Variants in AGPAT3 observed in about 807,000 individuals in gnomAD.
AGPAT3 encodes the protein 1-acylglycerol-3-phosphate O-acyltransferase 3.
Under a neutral mutation model 47.3 loss-of-function variants are expected in AGPAT3, and 5 were observed. That is an observed-to-expected ratio of 0.11 (90% CI 0.06 to 0.22). The LOEUF is 0.22. AGPAT3 is among the 10% of genes least tolerant of loss of function. The probability of loss-of-function intolerance (pLI) is 1.00; values close to 1 mark genes in which losing one functional copy is unlikely to be tolerated. For synonymous variants in AGPAT3, 212 were observed against 208.3 expected, an observed-to-expected ratio of 1.02 and a Z score of -0.15; for missense variants, 315 against 493.0, an observed-to-expected ratio of 0.64 and a Z score of 3.42.
chr21:43,873,147 C>A (rs1010701383), intron 1 of AGPAT3, among the ~76,000 whole-genome samples: 1 of 152,146 alleles, frequency 6.6e-6, no homozygotes, highest in Non-Finnish European at 1.5e-5. Context: ...GTGTGCTTCC[C>A]GGGGGACATG....
chr21:43,973,922 A>C (rs2089498075), intron 7 of AGPAT3, among the ~76,000 whole-genome samples: 1 of 152,266 alleles, frequency 6.6e-6, no homozygotes, highest in African/African-American at 2.4e-5. Context: ...GCAGATGCTC[A>C]GGGTGACACC....
chr21:43,977,127 G>A (rs923323697), intron 7 of AGPAT3, among the ~76,000 whole-genome samples: 1 of 152,172 alleles, frequency 6.6e-6, no homozygotes, highest in Non-Finnish European at 1.5e-5. Context: ...TTACCAAGTA[G>A]AGGTGTCAAC....
At chr21:43,892,353 C>T (rs1237889616) in intron 1 of AGPAT3, among the ~76,000 whole-genome samples, 1 of 152,098 alleles carries the variant, frequency 6.6e-6, no homozygotes, top group Non-Finnish European at 1.5e-5. Context: ...GATCCATGGG[C>T]TGCAGAGTGG....
At chr21:43,980,808 A>G (rs764797545) in intron 8 of AGPAT3, among the ~76,000 whole-genome samples, 181 bp from the exon 9 acceptor site, 1 of 152,198 alleles carries the variant, frequency 6.6e-6, no homozygotes, top group Non-Finnish European at 1.5e-5. Flanking sequence ...ACGCTATCAG[A>G]TTCTCCAAAA....
chr21:43,923,770 C>A (rs1601318931), intron 2 of AGPAT3, among the ~76,000 whole-genome samples: 4 of 152,176 alleles, frequency 2.6e-5, no homozygotes, highest in Admixed American at 6.5e-5. Flanking sequence ...TCCTGGGTAC[C>A]AGGGCTTCTG....
In AGPAT3 at chr21:43,983,670, C is replaced by T. The variant is rs530879644; in HGVS notation, c.*1278C>T. ...GGGATGCTTCTCCCTACAGCATGTCCACTCCCCCGGCATGGCCAGGTGGGG... is the reference window on the plus strand; with the variant it reads ...GGGATGCTTCTCCCTACAGCATGTCTACTCCCCCGGCATGGCCAGGTGGGG... On this transcript the variant is annotated 3_prime_UTR_variant, in exon 10 of 10. Transcript: ENST00000291572. 1 of 152,350 alleles carries T rather than the reference C, an allele frequency of 6.6e-6. No homozygotes were observed. The highest frequency in any genetic ancestry group is 2.1e-4 in the South Asian group (1 of 4,834). 9.4% of individuals were successfully genotyped at this position (152,350 alleles called of 1,614,324 possible). A position where few individuals can be genotyped will look rare whatever the true frequency, so the allele number is the denominator to read the frequency against.
rs761576085 is a variant in AGPAT3, at chr21:43,939,462, G to A, written c.-48-20172G>A. 2.2e-4 allele frequency among the ~76,000 whole-genome samples: 33 copies of A among 152,180 alleles called. No individual in the cohort carries two copies. The highest frequency in any genetic ancestry group is 2.1e-4 in the South Asian group (1 of 4,824). ...GTTTCAGGCTGGAGTGACATGGAGG[G>A]ACGTGCCTGACTTCTGGAGGATAAG... On this transcript the variant is annotated intron_variant, in intron 2 of 9. Coordinates refer to ENST00000291572, the MANE Select transcript of AGPAT3 (RefSeq NM_020132.5). This position sits in a 1 kb window ranked among gnomAD's most constrained non-coding sequence, Gnocchi z 4.4.
At chr21:43,884,222 C>T (rs1261459814) in intron 1 of AGPAT3, among the ~76,000 whole-genome samples, 2 of 151,900 alleles carry the variant, frequency 1.3e-5, no homozygotes, top group East Asian at 3.9e-4. Context: ...TTGATCTCTT[C>T]CTCCTCTCCT....
intron 1 of AGPAT3, among the ~76,000 whole-genome samples, chr21:43,883,063 C>T (rs374314302): frequency 7.2e-5 from 11 of 152,370 alleles, no homozygotes; most frequent in African/African-American, 1.9e-4. Context: ...GAAACTTAAG[C>T]GGGCAAATGC....
chr21:43,891,494 G>A (rs1487751946), intron 1 of AGPAT3, among the ~76,000 whole-genome samples: 1 of 152,180 alleles, frequency 6.6e-6, no homozygotes. Context: ...TTAGCTGGGT[G>A]TGGTGGCAGG....
intron 2 of AGPAT3, among the ~76,000 whole-genome samples, chr21:43,956,526 GC>G (rs1360201106): frequency 6.6e-6 from 1 of 152,180 alleles, no homozygotes; most frequent in East Asian, 1.9e-4. Context: ...TGTTTTTGTT[GC>G]CCCCTTGTCT....
At chr21:43,953,894 G>A (rs1230551908) in intron 2 of AGPAT3, among the ~76,000 whole-genome samples, 4 of 152,266 alleles carry the variant, frequency 2.6e-5, no homozygotes, top group African/African-American at 9.6e-5. Context: ...AGCACTCTGG[G>A]AGGCTGAAGC....
intron 2 of AGPAT3, among the ~76,000 whole-genome samples, chr21:43,936,607 C>T (rs1221218652): frequency 2.0e-5 from 3 of 152,264 alleles, no homozygotes; most frequent in Non-Finnish European, 4.4e-5. Flanking sequence ...TGAGCTCTGC[C>T]CCTATAATAC....
At chr21:43,966,718 G>A (rs1380866571) in intron 3 of AGPAT3, 1 of 152,224 alleles carries the variant, frequency 6.6e-6, no homozygotes, top group East Asian at 1.9e-4. Flanking sequence ...TTGGTCTCTA[G>A]TGTCCTTTAT....
rs2146352817 is a variant in AGPAT3 at position 43,939,422 on chromosome 21, A to G, written c.-48-20212A>G. ...CTCCCTAGTTTAGCCTTTGAACTCCATTTCAGATTGAGAGGTTTCAGGCTG... is the reference window on the plus strand; with the variant it reads ...CTCCCTAGTTTAGCCTTTGAACTCCGTTTCAGATTGAGAGGTTTCAGGCTG... On this transcript the variant is annotated intron_variant, in intron 2 of 9. Coordinates refer to ENST00000291572, the MANE Select transcript of AGPAT3 (RefSeq NM_020132.5). This position sits in a 1 kb window ranked among gnomAD's most constrained non-coding sequence, Gnocchi z 4.4. 6.6e-6 allele frequency among the ~76,000 whole-genome samples: 1 copy of G among 152,114 alleles called. No homozygotes were observed. Among genetic ancestry groups the G allele is most frequent in the East Asian group, 1.9e-4 (1 of 5,154 alleles).
At chr21:43,956,020 G>A (rs1460771680) in intron 2 of AGPAT3, among the ~76,000 whole-genome samples, 1 of 152,152 alleles carries the variant, frequency 6.6e-6, no homozygotes, top group African/African-American at 2.4e-5. Flanking sequence ...TGGCCCTCAA[G>A]CAGGCTTCTT....
chr21:43,901,867 A>G (rs8127585), intron 1 of AGPAT3, among the ~76,000 whole-genome samples: 16,139 of 152,286 alleles, frequency 0.11, 1,651 homozygotes, highest in African/African-American at 0.27. Flanking sequence ...AAAGATCAGT[A>G]TACTTGAAGA....
chr21:43,975,838 C>T (rs1485749527), intron 7 of AGPAT3, among the ~76,000 whole-genome samples: 1 of 152,180 alleles, frequency 6.6e-6, no homozygotes, highest in Non-Finnish European at 1.5e-5. Context: ...CCCAGCTGTC[C>T]CCACCTGGTG....
Position 43,947,361 on chromosome 21 carries a change from C to T in AGPAT3, c.-48-12273C>T, listed in dbSNP as rs117566193. 2.6e-3 allele frequency among the ~76,000 whole-genome samples: 397 copies of T among 152,352 alleles called. 4 individuals are homozygous for T. The highest frequency in any genetic ancestry group is 0.015 in the Admixed American group (227 of 15,304). ...TACTGATCCAGCCCAAAGCTGCAGT[C>T]AGGAGAGCGTGCAGCCGTGTGGGTC... On this transcript the variant is annotated intron_variant, in intron 2 of 9. Coordinates refer to ENST00000291572, the MANE Select transcript of AGPAT3 (RefSeq NM_020132.5).
Sources: allele counts gnomAD v4.1 joint callset (sites outside exome capture counted in the v4.1 genomes callset), GRCh38; gene constraint gnomAD v4.1.1; non-coding constraint Gnocchi (gnomAD v3.1); transcripts MANE v1.5; gene names NCBI Gene and HGNC (gene_info 2026-07-23, HGNC 2026-07-21).